The following SRGAP1 variants were observed in gnomAD, a reference collection of about 807,000 sequenced individuals.
The protein encoded by SRGAP1 is SLIT-ROBO Rho GTPase activating protein 1.
A neutral mutation model predicts 121.9 loss-of-function variants in SRGAP1; 43 were observed. That is an observed-to-expected ratio of 0.35 (90% CI 0.28 to 0.46). SRGAP1 has a LOEUF of 0.46. Among genes scored for constraint, SRGAP1 ranks in the 20% least tolerant of loss-of-function variants. SRGAP1 has a pLI of 1.00. For missense variants in SRGAP1, 1,102 were observed against 1,350.9 expected (o/e 0.82, Z 2.89); for synonymous variants, 447 against 485.4 (o/e 0.92, Z 1.04).
chr12:63,950,663 G>A (rs767411549), intron 1 of SRGAP1, among the ~76,000 whole-genome samples: 25 of 152,030 alleles, frequency 1.6e-4, no homozygotes, highest in South Asian at 2.1e-4. Context: ...CCCAGAGCCC[G>A]CCATCTTAAC....
At chr12:63,967,152 A>G (rs561710304) in intron 1 of SRGAP1, among the ~76,000 whole-genome samples, 2 of 152,188 alleles carry the variant, frequency 1.3e-5, no homozygotes, top group East Asian at 1.9e-4. Context: ...TATAAAAGCA[A>G]CTAGCAGGCT....
intron 1 of SRGAP1, among the ~76,000 whole-genome samples, chr12:63,861,025 ATTTGC>A (rs1899428058): frequency 6.6e-6 from 1 of 150,932 alleles, no homozygotes; most frequent in African/African-American, 2.4e-5. Context: ...ATGGGTCTTT[ATTTGC>A]TGAACCTTTT....
chr12:64,113,034 A>G (rs1396741595), intron 17 of SRGAP1, among the ~76,000 whole-genome samples: 4 of 151,972 alleles, frequency 2.6e-5, no homozygotes, highest in African/African-American at 4.8e-5. Flanking sequence ...TGAGCCCAGG[A>G]GTTTAAGGCT....
intron 1 of SRGAP1, among the ~76,000 whole-genome samples, chr12:63,949,452 G>A (rs993029014): frequency 2.0e-4 from 29 of 143,772 alleles, no homozygotes; most frequent in South Asian, 8.8e-4. Flanking sequence ...TTTTGAGACG[G>A]AACCTCGCTC....
intron 7 of SRGAP1, among the ~76,000 whole-genome samples, chr12:64,064,526 T>G (rs2035503812): frequency 6.6e-6 from 1 of 152,178 alleles, no homozygotes; most frequent in Non-Finnish European, 1.5e-5. Context: ...TTTTCTGAGT[T>G]TTTACTGTGT....
In SRGAP1 at chr12:64,150,192, T is replaced by C. The variant is rs2037102509; in HGVS notation, c.*7520T>C. 6.6e-6 allele frequency: 1 copy of C among 152,094 alleles called. No individual in the cohort carries two copies. Among genetic ancestry groups the C allele is most frequent in the Non-Finnish European group, 1.5e-5 (1 of 68,026 alleles). The allele number at this position is 152,094 out of a possible 1,614,324, so 9.4% of individuals were successfully genotyped here. A position where few individuals can be genotyped will look rare whatever the true frequency, so the allele number is the denominator to read the frequency against. The stretch of plus-strand genomic sequence containing the variant: ...CGGAGGGGTTGGGAAGAGAGATTGC[T>C]CCTCCCGCAGTGCTGAAACAACATG... On this transcript the variant is annotated 3_prime_UTR_variant, in exon 22 of 22. Coordinates refer to ENST00000355086, the MANE Select transcript of SRGAP1 (RefSeq NM_020762.4).
intron 4 of SRGAP1, among the ~76,000 whole-genome samples, chr12:64,041,407 C>G (rs2035021025): frequency 7.2e-6 from 1 of 138,614 alleles, no homozygotes; most frequent in Non-Finnish European, 1.6e-5. Flanking sequence ...TTTTTTGAGG[C>G]AAGGTCTCAC....
At chr12:63,882,350 C>T (rs1400715887) in intron 1 of SRGAP1, among the ~76,000 whole-genome samples, 7 of 152,152 alleles carry the variant, frequency 4.6e-5, no homozygotes, top group Non-Finnish European at 7.4e-5. Context: ...GGCGCAATCT[C>T]GGCTCACTGC....
At chr12:64,003,882 A>G (rs1367317491) in intron 3 of SRGAP1, among the ~76,000 whole-genome samples, 1 of 152,218 alleles carries the variant, frequency 6.6e-6, no homozygotes, top group Non-Finnish European at 1.5e-5. Flanking sequence ...GATGAACCCA[A>G]AGGAGTCCAT....
chr12:64,057,475 C>CA (rs2035365391), intron 6 of SRGAP1, among the ~76,000 whole-genome samples: 1 of 152,028 alleles, frequency 6.6e-6, no homozygotes, highest in Non-Finnish European at 1.5e-5. Context: ...TAGAGAAGGT[C>CA]AAAGAGGTAG....
At chr12:63,890,024 G>C (rs1227061946) in intron 1 of SRGAP1, among the ~76,000 whole-genome samples, 1 of 152,082 alleles carries the variant, frequency 6.6e-6, no homozygotes, top group African/African-American at 2.4e-5. Context: ...TTCCTAACTG[G>C]TCTGTAGCTT....
Position 63,883,558 on chromosome 12 carries a change from AAT to A in SRGAP1, c.67+38678_67+38679del, listed in dbSNP as rs765246258. On this transcript the variant is annotated intron_variant, in intron 1 of 21. Coordinates refer to ENST00000355086, the MANE Select transcript of SRGAP1 (RefSeq NM_020762.4). ...CATGTAAAAATGCCTCTGGTACCGG[AAT>A]ATGTCTTCACACTGACAGCCCTACC... is the stretch of plus-strand genomic sequence containing the variant. 2.6e-5 allele frequency among the ~76,000 whole-genome samples: 4 copies of A among 152,282 alleles called. No individual in the cohort carries two copies. The East Asian group carries it at 5.8e-4, about 22-fold the overall frequency.
rs181980018 is a variant in SRGAP1 at position 63,943,543 on chromosome 12, G to A, written c.68-40404G>A. Among the ~76,000 whole-genome samples the A allele has an allele frequency of 1.3e-3, 202 of 152,348 alleles. 1 individual carries two copies. The highest frequency in any genetic ancestry group is 6.8e-3 in the Middle Eastern group (2 of 292). ...TTTTCCAAGGTTACATAGCTTGTAA[G>A]TGGTAAGAAATTTGAACCCAAGTAA... On this transcript the variant is annotated intron_variant, in intron 1 of 21. Transcript: ENST00000355086.
At chr12:63,995,653 T>C (rs1383055370) in intron 3 of SRGAP1, among the ~76,000 whole-genome samples, 1 of 152,120 alleles carries the variant, frequency 6.6e-6, no homozygotes, top group African/African-American at 2.4e-5. Flanking sequence ...TAGGGAGGGA[T>C]TCAAAGCAGC....
At chr12:64,002,323 C>G (rs921018276) in intron 3 of SRGAP1, among the ~76,000 whole-genome samples, 2 of 152,210 alleles carry the variant, frequency 1.3e-5, no homozygotes, top group African/African-American at 4.8e-5. Context: ...AATCTTTCCT[C>G]CCTGATCAGA....
At chr12:64,046,008 T>C (rs1200538070) in intron 6 of SRGAP1, among the ~76,000 whole-genome samples, 1 of 152,114 alleles carries the variant, frequency 6.6e-6, no homozygotes, top group Non-Finnish European at 1.5e-5. Context: ...TGTGGTTCTT[T>C]TGATGGGGTG....
chr12:64,114,243 A>T (rs188388133), intron 17 of SRGAP1, among the ~76,000 whole-genome samples: 1 of 152,156 alleles, frequency 6.6e-6, no homozygotes, highest in Non-Finnish European at 1.5e-5. Context: ...CTGGGAAAGT[A>T]AATGAATGCA....
rs2037087458 is a variant in SRGAP1, at chr12:64,148,698, GTT to G, written c.*6028_*6029del. The G allele has an allele frequency of 2.0e-5, 3 of 152,292 alleles. No individual in the cohort carries two copies. Among genetic ancestry groups the G allele is most frequent in the African/African-American group, 7.2e-5 (3 of 41,562 alleles). The allele number at this position is 152,292 out of a possible 1,614,324, so 9.4% of individuals were successfully genotyped here. A position where few individuals can be genotyped will look rare whatever the true frequency, so the allele number is the denominator to read the frequency against. ...AGATTGAATATTGATAAGATATAAA[GTT>G]TAAAAAATGACAGGCAAATCAAGGA... On this transcript the variant is annotated 3_prime_UTR_variant, in exon 22 of 22. Coordinates refer to ENST00000355086, the MANE Select transcript of SRGAP1 (RefSeq NM_020762.4).
chr12:64,032,106 A>G (rs1192698235), intron 4 of SRGAP1, among the ~76,000 whole-genome samples: 2 of 152,196 alleles, frequency 1.3e-5, no homozygotes, highest in Admixed American at 1.3e-4. Context: ...AGGCTCACAG[A>G]CAATTTGAAT....
Sources: gnomAD v4.1 joint callset for allele counts (sites outside exome capture counted in the v4.1 genomes callset) on GRCh38, gnomAD v4.1.1 for gene constraint, MANE v1.5 for transcripts, NCBI Gene and HGNC (gene_info 2026-07-23, HGNC 2026-07-21) for gene names.